The following IMMP2L variants were observed in gnomAD, a reference collection of about 807,000 sequenced individuals.
The protein encoded by IMMP2L is mitochondrial inner membrane protease subunit 2.
Under a neutral mutation model 19.3 loss-of-function variants are expected in IMMP2L, and 18 were observed. The observed-to-expected ratio is 0.93, with a 90% CI of 0.64 to 1.38. IMMP2L has a LOEUF of 1.38. Among genes scored for constraint, IMMP2L ranks in the 40% most tolerant of loss-of-function variants. IMMP2L has a pLI of 0.00. For missense variants in IMMP2L, 233 were observed against 218.2 expected (o/e 1.07, Z -0.43); for synonymous variants, 76 against 73.0 (o/e 1.04, Z -0.21).
At chr7:110,849,886 TACAA>T (rs1806024094) in intron 5 of IMMP2L, among the ~76,000 whole-genome samples, 2 of 152,060 alleles carry the variant, frequency 1.3e-5, no homozygotes, top group Non-Finnish European at 2.9e-5. Flanking sequence ...ATTTAAAAAA[TACAA>T]ACAAAATTAG....
chr7:111,320,819 T>TA (rs370819506), intron 3 of IMMP2L, among the ~76,000 whole-genome samples: 334 of 152,132 alleles, frequency 2.2e-3, no homozygotes, highest in African/African-American at 6.9e-3. Flanking sequence ...ACCCTATGCT[T>TA]ATAGTTATCA....
At chr7:110,945,539 C>T (rs1817166862) in intron 4 of IMMP2L, among the ~76,000 whole-genome samples, 1 of 151,914 alleles carries the variant, frequency 6.6e-6, no homozygotes, top group Non-Finnish European at 1.5e-5. Context: ...GGGATCCACC[C>T]CTGTACCCCG....
chr7:110,939,897 A>C (rs2129552851), intron 4 of IMMP2L, among the ~76,000 whole-genome samples: 1 of 152,312 alleles, frequency 6.6e-6, no homozygotes, highest in Non-Finnish European at 1.5e-5. Context: ...CTAAAAGGTA[A>C]AACACATTCT....
intron 3 of IMMP2L, among the ~76,000 whole-genome samples, chr7:111,056,834 C>T (rs1412374505): frequency 6.6e-6 from 1 of 152,092 alleles, no homozygotes; most frequent in Non-Finnish European, 1.5e-5. Context: ...CAATCATCTT[C>T]ACCTTGAGTA....
chr7:111,366,745 AATAT>A (rs1288032177), intron 3 of IMMP2L, among the ~76,000 whole-genome samples: 1 of 152,010 alleles, frequency 6.6e-6, no homozygotes, highest in African/African-American at 2.4e-5. Context: ...AAAAAAGAAG[AATAT>A]ATACATATAT....
At chr7:111,151,892 C>A (rs1048643409) in intron 3 of IMMP2L, among the ~76,000 whole-genome samples, 1 of 152,086 alleles carries the variant, frequency 6.6e-6, no homozygotes, top group African/African-American at 2.4e-5. Context: ...GCCAAGATCG[C>A]GCCATTGCAC....
At chr7:111,458,352 T>C (rs924464970) in intron 3 of IMMP2L, among the ~76,000 whole-genome samples, 6 of 151,960 alleles carry the variant, frequency 3.9e-5, no homozygotes, top group East Asian at 1.9e-4. Flanking sequence ...GCACTCCAGC[T>C]TGGGCATCAG....
Position 111,268,354 on chromosome 7 carries a change from T to C in IMMP2L, c.239+218884A>G, listed in dbSNP as rs919991467. Among the ~76,000 whole-genome samples, 50 of 151,746 alleles carry C rather than the reference T, an allele frequency of 3.3e-4. 2 individuals carry two copies. Among genetic ancestry groups the C allele is most frequent in the Non-Finnish European group, 2.9e-5 (2 of 67,948 alleles). On this transcript the variant is annotated intron_variant, in intron 3 of 5. Transcript: ENST00000405709. ...TAGAAAAGGGAGGCAGGAGTTGTCT[T>C]AAGACAAACTTCACCTAGCTCATGG...
chr7:111,469,528 G>T (rs896777673), intron 3 of IMMP2L, among the ~76,000 whole-genome samples: 20 of 152,158 alleles, frequency 1.3e-4, no homozygotes, highest in African/African-American at 4.6e-4. Flanking sequence ...TTGTGAATGG[G>T]AGTTCACTCA....
chr7:111,309,393 A>C (rs1177474567), intron 3 of IMMP2L, among the ~76,000 whole-genome samples: 1 of 152,170 alleles, frequency 6.6e-6, no homozygotes, highest in Non-Finnish European at 1.5e-5. Flanking sequence ...AGCTCAAACC[A>C]GTTAACGAAA....
intron 3 of IMMP2L, among the ~76,000 whole-genome samples, chr7:111,182,231 T>C (rs936038482): frequency 1.1e-4 from 17 of 152,010 alleles, no homozygotes; most frequent in African/African-American, 4.1e-4. Flanking sequence ...TCAGTGGAAC[T>C]CTGGAACAGG....
At chr7:111,281,192 A>G (rs867806854) in intron 3 of IMMP2L, among the ~76,000 whole-genome samples, 6 of 57,442 alleles carry the variant, frequency 1.0e-4, no homozygotes, top group African/African-American at 3.4e-4. Flanking sequence ...GAAAGAAAGA[A>G]AGAAAGAAAG....
chr7:111,296,566 C>A (rs1400834972), intron 3 of IMMP2L, among the ~76,000 whole-genome samples: 1 of 151,538 alleles, frequency 6.6e-6, no homozygotes, highest in African/African-American at 2.4e-5. Context: ...CATACATTTG[C>A]TGGTAGGAAT....
At chr7:111,317,097 C>T (rs1584594359) in intron 3 of IMMP2L, among the ~76,000 whole-genome samples, 1 of 152,112 alleles carries the variant, frequency 6.6e-6, no homozygotes, top group East Asian at 1.9e-4. Flanking sequence ...ATCCGCCCGC[C>T]TCAGCCTCCC....
intron 3 of IMMP2L, among the ~76,000 whole-genome samples, chr7:111,029,759 T>C (rs975600024): frequency 1.3e-5 from 2 of 152,190 alleles, no homozygotes; most frequent in African/African-American, 4.8e-5. Context: ...CCATACCAGC[T>C]ATAATTTCAG....
intron 5 of IMMP2L, among the ~76,000 whole-genome samples, chr7:110,734,497 C>G (rs924609266): frequency 6.6e-6 from 1 of 151,928 alleles, no homozygotes; most frequent in African/African-American, 2.4e-5. Flanking sequence ...TAGTAAAATG[C>G]AGGAAGGGAT....
intron 3 of IMMP2L, among the ~76,000 whole-genome samples, chr7:111,351,458 G>A (rs1280494811): frequency 7.2e-5 from 11 of 152,064 alleles, no homozygotes. Context: ...CAAAGTTCTG[G>A]GATTACAGGT....
intron 3 of IMMP2L, among the ~76,000 whole-genome samples, chr7:111,446,021 C>T (rs1479108157): frequency 2.0e-5 from 3 of 152,010 alleles, no homozygotes; most frequent in Non-Finnish European, 2.9e-5. Flanking sequence ...CGGCGCACCA[C>T]GAGACTGTAT....
chr7:111,233,341 C>T (rs1407849258), intron 3 of IMMP2L, among the ~76,000 whole-genome samples: 1 of 151,948 alleles, frequency 6.6e-6, no homozygotes, highest in Non-Finnish European at 1.5e-5. Context: ...ACATTTCACT[C>T]CCTGAAATAA....
Sources: allele counts gnomAD v4.1 joint callset (sites outside exome capture counted in the v4.1 genomes callset), GRCh38; gene constraint gnomAD v4.1.1; transcripts MANE v1.5; gene names NCBI Gene and HGNC (gene_info 2026-07-23, HGNC 2026-07-21).